Variants in PALLD observed in about 807,000 individuals in gnomAD.
PALLD encodes palladin.
In PALLD, 61 loss-of-function variants were observed where a neutral mutation model predicts 123.5. That is an observed-to-expected ratio of 0.49 (90% CI 0.40 to 0.61). The LOEUF is 0.61. Among genes scored for constraint, PALLD ranks in the 20% least tolerant of loss-of-function variants. The pLI, the probability that PALLD is intolerant of heterozygous loss-of-function variation, is 0.00. For missense variants in PALLD, 1,273 were observed against 1,377.0 expected, an observed-to-expected ratio of 0.92 and a Z score of 1.20; for synonymous variants, 465 against 496.4, an observed-to-expected ratio of 0.94 and a Z score of 0.84.
At chr4:168,505,393 C>T (rs1338537024) in intron 1 of PALLD, among the ~76,000 whole-genome samples, 1 of 152,174 alleles carries the variant, frequency 6.6e-6, no homozygotes, top group African/African-American at 2.4e-5. Flanking sequence ...AAAATGTTTT[C>T]ATCATTCAGA....
At chr4:168,664,079 G>A (rs1779387856) in intron 2 of PALLD, among the ~76,000 whole-genome samples, 1 of 152,192 alleles carries the variant, frequency 6.6e-6, no homozygotes, top group African/African-American at 2.4e-5. Context: ...AAGGCCCTGG[G>A]AAGGCCTGCA....
At chr4:168,778,043 A>T (rs1735412768) in intron 10 of PALLD, among the ~76,000 whole-genome samples, 1 of 152,226 alleles carries the variant, frequency 6.6e-6, no homozygotes, top group Non-Finnish European at 1.5e-5. Flanking sequence ...AACTTTGTGA[A>T]CTTTGTGTTT....
intron 10 of PALLD, among the ~76,000 whole-genome samples, chr4:168,855,397 A>G (rs1057271746): frequency 1.3e-5 from 2 of 152,146 alleles, no homozygotes; most frequent in Admixed American, 1.3e-4. Context: ...CCTGAAAAGG[A>G]ATGTTCTAAG....
chr4:168,529,962 C>T (rs1764449780), intron 2 of PALLD, among the ~76,000 whole-genome samples: 1 of 152,120 alleles, frequency 6.6e-6, no homozygotes, highest in Non-Finnish European at 1.5e-5. Flanking sequence ...TTTTATGTTT[C>T]TCTATTAGGT....
chr4:168,665,620 G>A (rs1779569639), intron 2 of PALLD, among the ~76,000 whole-genome samples: 1 of 152,310 alleles, frequency 6.6e-6, no homozygotes, highest in East Asian at 1.9e-4. Context: ...TGGATGGAAA[G>A]CCAAGACTCT....
intron 10 of PALLD, among the ~76,000 whole-genome samples, chr4:168,817,094 TAAAC>T (rs1742078803): frequency 6.6e-6 from 1 of 152,054 alleles, no homozygotes; most frequent in African/African-American, 2.4e-5. Flanking sequence ...TTCCACAAAA[TAAAC>T]AGGGAAAGAA....
At chr4:168,672,917 A>G (rs141469203) in intron 3 of PALLD, among the ~76,000 whole-genome samples, 34 of 152,302 alleles carry the variant, frequency 2.2e-4, no homozygotes, top group African/African-American at 8.2e-4. Flanking sequence ...CATGCCTGGG[A>G]GTCAAGGATT....
chr4:168,631,778 C>T (rs1025370094), intron 2 of PALLD: 25 of 985,352 alleles, frequency 2.5e-5, no homozygotes, highest in Admixed American at 1.2e-4. Context: ...TTCTCCGTTG[C>T]ATTCTGCAAA....
chr4:168,841,753 T>G (rs1469432529), intron 10 of PALLD, among the ~76,000 whole-genome samples: 4 of 152,214 alleles, frequency 2.6e-5, no homozygotes, highest in African/African-American at 7.2e-5. Flanking sequence ...CTTATTAAGT[T>G]AAATACAAAT....
intron 10 of PALLD, among the ~76,000 whole-genome samples, chr4:168,788,786 T>C (rs1737109863): frequency 6.6e-6 from 1 of 152,068 alleles, no homozygotes; most frequent in Non-Finnish European, 1.5e-5. Context: ...AAACTCTTCT[T>C]AAAACTAAAA....
At chr4:168,541,558 C>G (rs1765619391) in intron 2 of PALLD, among the ~76,000 whole-genome samples, 1 of 152,124 alleles carries the variant, frequency 6.6e-6, no homozygotes, top group Admixed American at 6.5e-5. Context: ...TCAAGCGATT[C>G]TCCTGCCTCA....
chr4:168,795,314 T>C lies in PALLD; in HGVS notation c.1964+83391T>C, dbSNP rs115551474. Among the ~76,000 whole-genome samples the C allele has an allele frequency of 6.5e-3, 990 of 152,338 alleles. 7 individuals are homozygous for C. Among genetic ancestry groups the C allele is most frequent in the Middle Eastern group, 0.034 (10 of 294 alleles). On this transcript the variant is annotated intron_variant, in intron 10 of 21. Coordinates refer to ENST00000505667, the MANE Select transcript of PALLD (RefSeq NM_001166108.2). ...CACTGTTGTGAAATCAATTTAAAGG[T>C]TCTTGAGTGGCAATTTGAAAATGAA...
chr4:168,811,305 T>C (rs1368135169), intron 10 of PALLD, among the ~76,000 whole-genome samples: 1 of 152,220 alleles, frequency 6.6e-6, no homozygotes, highest in African/African-American at 2.4e-5. Flanking sequence ...CCCTTTCCTT[T>C]TGTTCTCTAC....
At chr4:168,637,442 T>C (rs1776455459) in intron 2 of PALLD, among the ~76,000 whole-genome samples, 2 of 152,070 alleles carry the variant, frequency 1.3e-5, no homozygotes, top group Non-Finnish European at 2.9e-5. Context: ...TTTTAAAAAC[T>C]GATTTGGCTC....
intron 2 of PALLD, among the ~76,000 whole-genome samples, chr4:168,645,546 A>G (rs908220104): frequency 6.6e-5 from 10 of 152,156 alleles, no homozygotes; most frequent in Admixed American, 2.6e-4. Context: ...TGACTTTGAG[A>G]CATTTATTGA....
intron 15 of PALLD, among the ~76,000 whole-genome samples, chr4:168,912,826 G>A (rs1472851441): frequency 6.6e-6 from 1 of 152,042 alleles, no homozygotes; most frequent in Non-Finnish European, 1.5e-5. Flanking sequence ...CTCCTATGTA[G>A]CTGTAATTTT....
chr4:168,906,679 C>T (rs1757870973), intron 15 of PALLD, among the ~76,000 whole-genome samples: 1 of 152,168 alleles, frequency 6.6e-6, no homozygotes, highest in Non-Finnish European at 1.5e-5. Flanking sequence ...GGCTGGAGTA[C>T]AGTGGCATAA....
intron 2 of PALLD, among the ~76,000 whole-genome samples, chr4:168,610,674 C>T (rs1390953217): frequency 6.6e-6 from 1 of 150,470 alleles, no homozygotes; most frequent in Non-Finnish European, 1.5e-5. Context: ...AACTTCCATT[C>T]GGGGCCAGCA....
At chr4:168,834,979 G>GTTTCA (rs1323577390) in intron 10 of PALLD, among the ~76,000 whole-genome samples, 16 of 152,212 alleles carry the variant, frequency 1.1e-4, no homozygotes, top group Admixed American at 8.5e-4. Context: ...TCCTGGCAAT[G>GTTTCA]TTGGTGGAGT....
Sources: allele counts gnomAD v4.1 joint callset (sites outside exome capture counted in the v4.1 genomes callset), GRCh38; gene constraint gnomAD v4.1.1; transcripts MANE v1.5; gene names NCBI Gene and HGNC (gene_info 2026-07-23, HGNC 2026-07-21).